CEP192: variants seen among roughly 807,000 people sequenced by gnomAD.
CEP192 encodes the protein centrosomal protein 192.
Under a neutral mutation model 271.8 loss-of-function variants are expected in CEP192, and 151 were observed. The observed-to-expected ratio is 0.56, with a 90% CI of 0.49 to 0.64. CEP192 has a LOEUF of 0.64. Among genes scored for constraint, CEP192 ranks in the 30% least tolerant of loss-of-function variants. CEP192 has a pLI of 0.00. For missense variants in CEP192, 2,910 were observed against 3,020.5 expected, an observed-to-expected ratio of 0.96 and a Z score of 0.86; for synonymous variants, 995 against 1,076.5, an observed-to-expected ratio of 0.92 and a Z score of 1.48.
intron 9 of CEP192, among the ~76,000 whole-genome samples, chr18:13,020,468 C>A (rs1037450597): frequency 1.3e-5 from 2 of 152,012 alleles, no homozygotes; most frequent in African/African-American, 4.8e-5. Context: ...TTTATTTATC[C>A]CCTCATCCTT....
Position 13,092,163 on chromosome 18 carries a change from GGTA to G in CEP192, c.6104-211_6104-209del, listed in dbSNP as rs2039176615. 3.3e-5 allele frequency among the ~76,000 whole-genome samples: 5 copies of G among 152,302 alleles called. No homozygotes were observed. In the South Asian group the frequency reaches 1.0e-3, roughly 32 times the overall value. On this transcript the variant is annotated intron_variant, in intron 33 of 44. Transcript: ENST00000506447. The stretch of plus-strand genomic sequence containing the variant: ...AGTCACAAAGTAAATGAGTGGCAAA[GGTA>G]GTTCAAATTCAGGTTCCAAGTCTGA...
chr18:13,018,518 A>G lies in CEP192; in HGVS notation c.828A>G (p.Ser276=). The stretch of plus-strand genomic sequence containing the variant: ...GTAGCTTAAACTGCAAGTTTCAATC[A>G]GAAAATAACAGCTCTCTGATTTCCC... The part of the protein sequence containing the change: ...ENGSLNCKFQ[S]ENNSSLISLD... The change falls in exon 8 of 45, where the codon TCA becomes TCG. Residue 276 remains serine, a synonymous_variant. Transcript: ENST00000506447. The G allele has an allele frequency of 6.5e-7, 1 of 1,540,180 alleles. No individual in the cohort carries two copies. The highest frequency in any genetic ancestry group is 1.4e-5 in the African/African-American group (1 of 72,826).
rs184066735 is a variant in CEP192, at chr18:13,069,194, A to G, written c.5055+13A>G. The G allele has an allele frequency of 1.0e-5, 16 of 1,598,280 alleles. No homozygotes were observed. Among genetic ancestry groups the G allele is most frequent in the South Asian group, 2.2e-5 (2 of 90,746 alleles). On this transcript the variant is annotated intron_variant, in intron 26 of 44. Transcript: ENST00000506447. ...TTTGGATATCAAGGTATGCACTTCC[A>G]TGAGAGTGCCATAAGATAGTCTTTC...
intron 1 of CEP192, among the ~76,000 whole-genome samples, chr18:12,995,006 A>G (rs2033123048): frequency 6.6e-6 from 1 of 151,924 alleles, no homozygotes; most frequent in African/African-American, 2.4e-5. Flanking sequence ...GCAAATGAAA[A>G]ATCAGGGCAG....
intron 38 of CEP192, among the ~76,000 whole-genome samples, 187 bp downstream of exon 38, chr18:13,100,699 G>A (rs369899191): frequency 4.6e-5 from 7 of 152,176 alleles, no homozygotes; most frequent in African/African-American, 1.7e-4. Context: ...TGAAATCTTG[G>A]CATTTACTAA....
chr18:13,005,176 CA>C (rs1254137867), intron 3 of CEP192, among the ~76,000 whole-genome samples: 1 of 152,088 alleles, frequency 6.6e-6, no homozygotes, highest in Admixed American at 6.5e-5. Flanking sequence ...TGAGGGTCCC[CA>C]CTTGTCAGAG....
intron 44 of CEP192, among the ~76,000 whole-genome samples, chr18:13,122,638 TC>T (rs2040722789): frequency 6.6e-6 from 1 of 152,202 alleles, no homozygotes; most frequent in Non-Finnish European, 1.5e-5. Context: ...ATTTGTAGGT[TC>T]CACTAAGCCC....
At chr18:13,066,998 T>C (rs941941241) in intron 21 of CEP192, among the ~76,000 whole-genome samples, 3 of 150,812 alleles carry the variant, frequency 2.0e-5, no homozygotes, top group African/African-American at 4.9e-5. Context: ...TGTGTGTGTG[T>C]GCCTGTATAA....
intron 30 of CEP192, among the ~76,000 whole-genome samples, chr18:13,076,828 G>T (rs531456070): frequency 1.6e-4 from 24 of 152,062 alleles, no homozygotes; most frequent in Admixed American, 5.9e-4. Context: ...CTGTCGCCCA[G>T]CCTGGAGTGC....
At chr18:13,085,902 T>C (rs2038873864) in intron 30 of CEP192, among the ~76,000 whole-genome samples, 1 of 152,172 alleles carries the variant, frequency 6.6e-6, no homozygotes, top group Non-Finnish European at 1.5e-5. Flanking sequence ...CATATGAACT[T>C]TAAAGTAGTT....
At chr18:13,009,671 A>C (rs1396233021) in intron 4 of CEP192, among the ~76,000 whole-genome samples, 1 of 152,068 alleles carries the variant, frequency 6.6e-6, no homozygotes, top group Non-Finnish European at 1.5e-5. Context: ...TGTCTCTCCT[A>C]AAAATACAAA....
rs113080292 is a variant in CEP192 at position 13,003,214 on chromosome 18, T to C, written c.290+1632T>C. Among the ~76,000 whole-genome samples, 216 of 152,174 alleles carry C rather than the reference T, an allele frequency of 1.4e-3. 1 individual carries two copies. In the Middle Eastern group the frequency reaches 0.02, roughly 14 times the overall value. ...CTGTAATCCCAACACTTTGGAAGCCTAAGGCAGGTAGATCGCCTGAGGTCA... is the reference window on the plus strand; with the variant it reads ...CTGTAATCCCAACACTTTGGAAGCCCAAGGCAGGTAGATCGCCTGAGGTCA... On this transcript the variant is annotated intron_variant, in intron 3 of 44. Transcript: ENST00000506447.
rs149876826 is a variant in CEP192, at chr18:13,073,776, T to C, written c.5616+591T>C. Among the ~76,000 whole-genome samples the C allele has an allele frequency of 3.9e-3, 601 of 152,334 alleles. 3 individuals are homozygous for C. Among genetic ancestry groups the C allele is most frequent in the Middle Eastern group, 6.8e-3 (2 of 294 alleles). On this transcript the variant is annotated intron_variant, in intron 30 of 44. Transcript: ENST00000506447. Reference sequence around the variant, plus strand: ...AGGGCACCAAGCCCGTGCATGGGGCTGGAGCCCTCATGGCTTAATCACTTC... The same window carrying C: ...AGGGCACCAAGCCCGTGCATGGGGCCGGAGCCCTCATGGCTTAATCACTTC...
intron 9 of CEP192, among the ~76,000 whole-genome samples, chr18:13,020,737 T>C (rs982463436): frequency 1.3e-5 from 2 of 152,218 alleles, no homozygotes; most frequent in African/African-American, 4.8e-5. Context: ...TTTAACACTC[T>C]TTACTTTTTT....
chr18:13,023,936 G>GT (rs2035138226), intron 9 of CEP192, among the ~76,000 whole-genome samples: 1 of 152,020 alleles, frequency 6.6e-6, no homozygotes, highest in Non-Finnish European at 1.5e-5. Context: ...TATTTCGTGA[G>GT]TTTTTTTCTG....
intron 4 of CEP192, among the ~76,000 whole-genome samples, chr18:13,009,076 A>G (rs575175567): frequency 7.1e-6 from 1 of 141,120 alleles, no homozygotes; most frequent in East Asian, 2.1e-4. Context: ...CAGGCTGGTC[A>G]TGAACTCCTG....
At position 13,049,879 on chromosome 18, in the gene CEP192, C is replaced by T. The variant is rs142411472; in HGVS notation, c.3005C>T (p.Thr1002Met). 7.4e-6 allele frequency: 12 copies of T among 1,613,518 alleles called. No individual in the cohort carries two copies. Among genetic ancestry groups the T allele is most frequent in the African/African-American group, 5.3e-5 (4 of 74,818 alleles). Reference sequence around the variant, plus strand: ...TCTTCTCCTAGTGAAATTTCTGGAACGAGTTCATCAGGGTAAGTGTGTACC... The same window carrying T: ...TCTTCTCCTAGTGAAATTTCTGGAATGAGTTCATCAGGGTAAGTGTGTACC... The part of the protein sequence containing the change: ...SHSSPSEISG[T>M]SSSGCALESF... Residue 1002 changes from threonine (T) to methionine (M), a missense_variant, in exon 17 of 45, where the codon ACG becomes ATG. Physicochemically the swap from Thr to Met is moderately conservative, Grantham distance 81. Coordinates refer to ENST00000506447, the MANE Select transcript of CEP192 (RefSeq NM_032142.4).
At chr18:12,999,202 A>G (rs529315568) in intron 1 of CEP192, among the ~76,000 whole-genome samples, 66 of 152,332 alleles carry the variant, frequency 4.3e-4, no homozygotes, top group African/African-American at 1.5e-3. Flanking sequence ...TAATTATAAG[A>G]AGGTAAGTTT....
chr18:13,103,795 A>ATC lies in CEP192; in HGVS notation c.6951+208_6951+209dup, dbSNP rs1428005488. On this transcript the variant is annotated intron_variant, in intron 39 of 44. Transcript: ENST00000506447. Reference sequence around the variant, plus strand: ...AGCCTCAACCTCCCAGGCTCAAGCAATCCCCTGCCTTAGCCTCCCATGTGG... The same window carrying ATC: ...AGCCTCAACCTCCCAGGCTCAAGCAATCTCCCCTGCCTTAGCCTCCCATGTGG... 18 of 623,436 alleles carry ATC rather than the reference A, an allele frequency of 2.9e-5. No individual in the cohort carries two copies. In the East Asian group the frequency reaches 5.9e-4, roughly 20 times the overall value. The allele number at this position is 623,436 out of a possible 1,614,324, so 38.6% of individuals were successfully genotyped here.
Sources: allele counts gnomAD v4.1 joint callset (sites outside exome capture counted in the v4.1 genomes callset), GRCh38; gene constraint gnomAD v4.1.1; transcripts MANE v1.5; gene names NCBI Gene and HGNC (gene_info 2026-07-23, HGNC 2026-07-21).